GUF1: variants seen among roughly 807,000 people sequenced by gnomAD.
GUF1 encodes the protein GTP binding elongation factor GUF1, also known as translation factor GUF1, mitochondrial.
GUF1 carries 78 observed loss-of-function variants against 82.4 expected under a neutral mutation model. The observed-to-expected ratio is 0.95, with a 90% CI of 0.79 to 1.14. GUF1 has a LOEUF of 1.14. Ranked by LOEUF, GUF1 falls within the 50% of genes most tolerant of loss-of-function variation. The pLI is 0.00. For missense variants in GUF1, 814 were observed against 798.2 expected (o/e 1.02, Z -0.24); for synonymous variants, 279 against 282.3 (o/e 0.99, Z 0.12).
chr4:44,698,503 T>TAAAC, intron 16 of GUF1, 41 bp from the exon 17 acceptor site: 1 of 1,499,220 alleles, frequency 6.7e-7, no homozygotes. Flanking sequence ...TGTTTCTCTT[T>TAAAC]AGAGTGACTT....
Position 44,678,703 on chromosome 4 carries a change from C to G in GUF1, c.81C>G (p.Ala27=). 6.6e-7 allele frequency: 1 copy of G among 1,507,562 alleles called. No homozygotes were observed. The highest frequency in any genetic ancestry group is 8.8e-7 in the Non-Finnish European group (1 of 1,141,950). 93.4% of individuals were successfully genotyped at this position (1,507,562 alleles called of 1,614,324 possible). Residue 27 remains alanine (A), a synonymous_variant, in exon 1 of 17, where the codon GCC becomes GCG. Transcript: ENST00000281543. ...CCACTGGGGCCGCGCTTCTGGTGGC[C>G]CCGGGGCCCCGGTCCGCGCCGACCC... ...PRATGAALLV[A]PGPRSAPTLG...
At position 44,689,828 on chromosome 4, in the gene GUF1, CT is replaced by C; in HGVS notation, c.1203-11del. On this transcript the variant is annotated splice_polypyrimidine_tract_variant and intron_variant, in intron 10 of 16. Transcript: ENST00000281543. ...GGGACATAAACATTTTGGAGTTTGT[CT>C]TTTCCTCCCCCAGGCTAGGATTTCT... 2 of 1,576,852 alleles carry C rather than the reference CT, an allele frequency of 1.3e-6. No homozygotes were observed.
chr4:44,690,543 A>G (rs911759675), intron 11 of GUF1, among the ~76,000 whole-genome samples, 174 bp from the exon 12 acceptor site: 1 of 151,778 alleles, frequency 6.6e-6, no homozygotes, highest in African/African-American at 2.4e-5. Context: ...CTTCTTCTAA[A>G]TGGTCCATGA....
chr4:44,700,599 C>G lies in GUF1; in HGVS notation c.*1918C>G, dbSNP rs902957234. On this transcript the variant is annotated 3_prime_UTR_variant, in exon 17 of 17. Coordinates refer to ENST00000281543, the MANE Select transcript of GUF1 (RefSeq NM_021927.3). Reference sequence around the variant, plus strand: ...GTAAAACCAAGCTGTGCCCCAACCACCTTGGGCACATGTGGTGAGGACCTC... The same window carrying G: ...GTAAAACCAAGCTGTGCCCCAACCAGCTTGGGCACATGTGGTGAGGACCTC... 1 of 152,180 alleles carries G rather than the reference C, an allele frequency of 6.6e-6. No individual in the cohort carries two copies. The highest frequency in any genetic ancestry group is 2.4e-5 in the African/African-American group (1 of 41,438). 9.4% of individuals were successfully genotyped at this position (152,180 alleles called of 1,614,324 possible).
chr4:44,681,233 T>C, intron 4 of GUF1, 30 bp downstream of exon 4: 1 of 1,453,048 alleles, frequency 6.9e-7, no homozygotes. Flanking sequence ...TATGATGTGA[T>C]ATGACATGAC....
rs370862740 is a variant in GUF1 at position 44,699,536 on chromosome 4, A to G, written c.*855A>G. The G allele has an allele frequency of 3.3e-5, 5 of 152,214 alleles. No individual in the cohort carries two copies. The East Asian group carries it at 7.7e-4, about 23-fold the overall frequency. The allele number at this position is 152,214 out of a possible 1,614,324, so 9.4% of individuals were successfully genotyped here. ...GAATCTCAACAAGTGAGGACCTGCTATATTTTGTTGCATGCAGTTTTTCTT... is the reference window on the plus strand; with the variant it reads ...GAATCTCAACAAGTGAGGACCTGCTGTATTTTGTTGCATGCAGTTTTTCTT... On this transcript the variant is annotated 3_prime_UTR_variant, in exon 17 of 17. Transcript: ENST00000281543.
chr4:44,686,302 C>T (rs933404096), intron 7 of GUF1, among the ~76,000 whole-genome samples: 16 of 151,860 alleles, frequency 1.1e-4, no homozygotes, highest in Admixed American at 6.6e-5. Context: ...TTTTCCTTTG[C>T]TTTAAGCTGA....
chr4:44,682,262 G>A, intron 4 of GUF1, 72 bp from the exon 5 acceptor site: 1 of 713,914 alleles, frequency 1.4e-6, no homozygotes, highest in Non-Finnish European at 2.2e-6. Context: ...TGTATAGAAT[G>A]GTCTTAAATT....
chr4:44,683,288 G>A lies in GUF1; in HGVS notation c.639G>A (p.Val213=). 1.9e-6 allele frequency: 3 copies of A among 1,583,564 alleles called. No individual in the cohort carries two copies. The highest frequency in any genetic ancestry group is 2.6e-6 in the Non-Finnish European group (3 of 1,165,496). Residue 213 remains valine (V), a synonymous_variant, in exon 6 of 17, where the codon GTG becomes GTA. Coordinates refer to ENST00000281543, the MANE Select transcript of GUF1 (RefSeq NM_021927.3). ...GGGTTGAAAACCAAATTGAGAAAGT[G>A]TTTGATATTCCAAGTGATGAATGTA... ...PERVENQIEK[V]FDIPSDECIK...
chr4:44,690,602 T>A, intron 11 of GUF1, 115 bp from the exon 12 acceptor site: 1 of 579,912 alleles, frequency 1.7e-6, no homozygotes, highest in South Asian at 2.9e-5. Context: ...TTACTAATAC[T>A]TGTTATTAAT....
chr4:44,689,945 A>G lies in GUF1; in HGVS notation c.1305A>G (p.Lys435=), dbSNP rs1218653730. ...VILTTPTVPY[K]AVLSSSKLIK... ...TAACAACCCCTACTGTTCCATATAA[A>G]GCTGTACTGTCATCATCAAAATTGA... The change falls in exon 11 of 17, where the codon AAA becomes AAG. Residue 435 remains lysine (K), a synonymous_variant. Transcript: ENST00000281543. The G allele has an allele frequency of 6.3e-7, 1 of 1,596,294 alleles. No individual in the cohort carries two copies. Among genetic ancestry groups the G allele is most frequent in the Non-Finnish European group, 8.6e-7 (1 of 1,168,492 alleles).
At position 44,698,768 on chromosome 4, in the gene GUF1, G is replaced by A; in HGVS notation, c.*87G>A. 8.1e-7 allele frequency: 1 copy of A among 1,236,518 alleles called. No individual in the cohort carries two copies. The highest frequency in any genetic ancestry group is 1.5e-5 in the African/African-American group (1 of 65,608). 76.6% of individuals were successfully genotyped at this position (1,236,518 alleles called of 1,614,324 possible). ...TATAAAATTTGCTTGTTACTTTCAG[G>A]GTATTCAGGTTCAAATAACCTACTA... On this transcript the variant is annotated 3_prime_UTR_variant, in exon 17 of 17. Transcript: ENST00000281543.
In GUF1 at chr4:44,686,547, G is replaced by A; in HGVS notation, c.772G>A (p.Val258Ile). The stretch of plus-strand genomic sequence containing the variant: ...TCGCAAAAATCCTCTGAGAGCTTTG[G>A]TATTTGACTCCACCTTTGACCAGTA... ...VHRKNPLRAL[V>I]FDSTFDQYRG... is the part of the protein sequence containing the mutation. The change falls in exon 8 of 17, where the codon GTA becomes ATA. Residue 258 changes from valine (V) to isoleucine (I), a missense_variant. Coordinates refer to ENST00000281543, the MANE Select transcript of GUF1 (RefSeq NM_021927.3). 6.2e-7 allele frequency: 1 copy of A among 1,611,928 alleles called. No individual in the cohort carries two copies. The highest frequency in any genetic ancestry group is 8.5e-7 in the Non-Finnish European group (1 of 1,178,590).
At chr4:44,688,865 T>G (rs1303355597) in intron 9 of GUF1, among the ~76,000 whole-genome samples, 1 of 151,988 alleles carries the variant, frequency 6.6e-6, no homozygotes, top group Non-Finnish European at 1.5e-5. Flanking sequence ...GTAGATAATC[T>G]GCCTTAGAGA....
At position 44,699,190 on chromosome 4, in the gene GUF1, C is replaced by T. The variant is rs1716056078; in HGVS notation, c.*509C>T. ...AAAAAAATTGGTTTATGCGTCATTT[C>T]ATTTTATTTTTATTTATTTTTTGAG... On this transcript the variant is annotated 3_prime_UTR_variant, in exon 17 of 17. Coordinates refer to ENST00000281543, the MANE Select transcript of GUF1 (RefSeq NM_021927.3). 6.6e-6 allele frequency: 1 copy of T among 152,164 alleles called. No homozygotes were observed. Among genetic ancestry groups the T allele is most frequent in the Admixed American group, 6.6e-5 (1 of 15,252 alleles). 9.4% of individuals were successfully genotyped at this position (152,164 alleles called of 1,614,324 possible).
intron 15 of GUF1, among the ~76,000 whole-genome samples, chr4:44,696,904 A>T (rs1180431722): frequency 6.6e-6 from 1 of 152,214 alleles, no homozygotes; most frequent in Admixed American, 6.5e-5. Context: ...TCAAAATTAG[A>T]GTGATCTAGA....
Position 44,686,691 on chromosome 4 carries a change from A to G in GUF1, c.916A>G (p.Asn306Asp), listed in dbSNP as rs779277715. ...EVNEVGVLNPNEQPTHKLYAG... is the reference protein window; with the variant it reads ...EVNEVGVLNPDEQPTHKLYAG... ...TAATGAAGTAGGAGTCTTGAATCCT[A>G]ATGAGCAGCCAACTCATAAATTGTA... is the stretch of plus-strand genomic sequence containing the variant. Residue 306 changes from asparagine to aspartate, a missense_variant, in exon 8 of 17, where the codon AAT becomes GAT. Coordinates refer to ENST00000281543, the MANE Select transcript of GUF1 (RefSeq NM_021927.3). The G allele has an allele frequency of 1.2e-6, 2 of 1,608,678 alleles. No homozygotes were observed. Among genetic ancestry groups the G allele is most frequent in the Non-Finnish European group, 1.7e-6 (2 of 1,175,550 alleles).
In GUF1 at chr4:44,680,711, A is replaced by G. The variant is rs1250126266; in HGVS notation, c.295A>G (p.Lys99Glu). ...GTTTATAGGGACAATTGATAAAACA[A>G]AGAATAATAAGCAGGTTCTTGATAA... ...LELTGTIDKTKNNKQVLDKLQ... is the reference protein window; with the variant it reads ...LELTGTIDKTENNKQVLDKLQ... Residue 99 changes from lysine (K) to glutamate (E), a missense_variant, in exon 3 of 17, where the codon AAG becomes GAG. Coordinates refer to ENST00000281543, the MANE Select transcript of GUF1 (RefSeq NM_021927.3). 1.2e-6 allele frequency: 2 copies of G among 1,601,464 alleles called. No homozygotes were observed.
chr4:44,689,672 G>A (rs1173418873), intron 10 of GUF1, among the ~76,000 whole-genome samples, 171 bp from the exon 11 acceptor site: 2 of 151,294 alleles, frequency 1.3e-5, no homozygotes, highest in African/African-American at 4.9e-5. Context: ...GATTCCCAAT[G>A]GAAGATTTTA....
Sources: allele counts gnomAD v4.1 joint callset (sites outside exome capture counted in the v4.1 genomes callset), GRCh38; gene constraint gnomAD v4.1.1; transcripts MANE v1.5; gene names NCBI Gene and HGNC (gene_info 2026-07-23, HGNC 2026-07-21).